CFAP54: variants seen among roughly 807,000 people sequenced by gnomAD.
CFAP54 encodes cilia and flagella associated protein 54, also known as cilia- and flagella-associated protein 54.
CFAP54 carries 290 observed loss-of-function variants against 370.4 expected under a neutral mutation model. The ratio of observed to expected loss-of-function variants is 0.78; its 90% CI spans 0.71 to 0.86. The LOEUF (loss-of-function observed/expected upper bound fraction) is 0.86, where lower values mean the gene tolerates loss of function less well. CFAP54 is among the 40% of genes least tolerant of loss of function. The pLI, the probability that CFAP54 is intolerant of heterozygous loss-of-function variation, is 0.00. For synonymous variants in CFAP54, 1,206 were observed against 1,236.5 expected, an observed-to-expected ratio of 0.98 and a Z score of 0.52; for missense variants, 3,399 against 3,528.7, an observed-to-expected ratio of 0.96 and a Z score of 0.93.
intron 38 of CFAP54, among the ~76,000 whole-genome samples, chr12:96,663,366 TA>T (rs549322876): frequency 2.2e-4 from 34 of 152,336 alleles, no homozygotes; most frequent in African/African-American, 8.2e-4. Context: ...TGTTTTCAGA[TA>T]TTTTATTATC....
At chr12:96,713,079 A>G (rs1957632898) in intron 48 of CFAP54, among the ~76,000 whole-genome samples, 1 of 152,220 alleles carries the variant, frequency 6.6e-6, no homozygotes, top group Non-Finnish European at 1.5e-5. Context: ...ATGCTCATAT[A>G]CTGTTGGTGG....
intron 25 of CFAP54, 124 bp from the exon 26 acceptor site, chr12:96,598,521 A>G (rs1221773954): frequency 4.6e-6 from 2 of 434,028 alleles, no homozygotes; most frequent in African/African-American, 4.0e-5. Flanking sequence ...TAAACAATTT[A>G]TCAATAATTA....
intron 47 of CFAP54, among the ~76,000 whole-genome samples, chr12:96,708,379 C>T (rs982182286): frequency 2.0e-5 from 3 of 152,088 alleles, no homozygotes; most frequent in Admixed American, 2.0e-4. Flanking sequence ...GAGCTGGCCT[C>T]ATGAGGCACA....
At chr12:96,565,929 G>A (rs965419913) in intron 19 of CFAP54, among the ~76,000 whole-genome samples, 1 of 152,134 alleles carries the variant, frequency 6.6e-6, no homozygotes, top group Admixed American at 6.6e-5. Context: ...AATCACGGGG[G>A]AGGTTTCCTC....
intron 66 of CFAP54, among the ~76,000 whole-genome samples, chr12:96,837,393 T>A (rs7136658): frequency 0.29 from 43,384 of 152,030 alleles, 6,634 homozygotes; most frequent in South Asian, 0.53. Flanking sequence ...TAATAACACA[T>A]CCAGTCTATT....
intron 14 of CFAP54, among the ~76,000 whole-genome samples, chr12:96,544,487 A>C (rs991148076): frequency 1.3e-5 from 2 of 151,110 alleles, no homozygotes; most frequent in Non-Finnish European, 2.9e-5. Flanking sequence ...TTTCTCTCCA[A>C]GGATGGCCAT....
intron 30 of CFAP54, 141 bp downstream of exon 30, chr12:96,627,080 C>A: frequency 2.1e-6 from 1 of 470,896 alleles, no homozygotes; most frequent in Non-Finnish European, 3.4e-6. Flanking sequence ...AGTGAAAATT[C>A]ATGTCTGTGT....
At chr12:96,738,104 C>T (rs751231380) in intron 50 of CFAP54, among the ~76,000 whole-genome samples, 5 of 152,100 alleles carry the variant, frequency 3.3e-5, no homozygotes, top group Non-Finnish European at 4.4e-5. Context: ...TGGAGATGAT[C>T]GTGGCTTGAA....
chr12:96,681,961 T>C (rs1957278852), intron 40 of CFAP54, among the ~76,000 whole-genome samples: 1 of 152,120 alleles, frequency 6.6e-6, no homozygotes, highest in African/African-American at 2.4e-5. Flanking sequence ...ACCTAGGGTC[T>C]TCAGTTATGA....
chr12:96,665,627 T>G (rs2136526968), intron 39 of CFAP54, among the ~76,000 whole-genome samples: 1 of 152,282 alleles, frequency 6.6e-6, no homozygotes, highest in South Asian at 2.1e-4. Flanking sequence ...TTAGATAGTT[T>G]TAGATGTGCA....
chr12:96,678,910 C>G (rs976511338), intron 39 of CFAP54, among the ~76,000 whole-genome samples: 4 of 152,138 alleles, frequency 2.6e-5, no homozygotes, highest in East Asian at 1.9e-4. Flanking sequence ...ACTTGTTCAA[C>G]TTGTTGAAGA....
At chr12:96,619,105 C>T (rs1053568060) in intron 26 of CFAP54, among the ~76,000 whole-genome samples, 1 of 152,192 alleles carries the variant, frequency 6.6e-6, no homozygotes, top group African/African-American at 2.4e-5. Flanking sequence ...CTCATGCAAT[C>T]CACCTGCCTG....
intron 50 of CFAP54, among the ~76,000 whole-genome samples, chr12:96,732,910 T>C (rs61939402): frequency 3.3e-3 from 509 of 152,170 alleles, no homozygotes; most frequent in Non-Finnish European, 5.0e-3. Context: ...CCCTAGAAAA[T>C]ATTTATCAAT....
chr12:96,756,795 T>G (rs1445259661), intron 57 of CFAP54, among the ~76,000 whole-genome samples: 1 of 152,204 alleles, frequency 6.6e-6, no homozygotes, highest in Non-Finnish European at 1.5e-5. Flanking sequence ...CCAGATCTCG[T>G]GTCAGTCCCA....
At position 96,839,437 on chromosome 12, in the gene CFAP54, G is replaced by A. The variant is rs186973262; in HGVS notation, c.9171+10349G>A. Among the ~76,000 whole-genome samples, 8 of 152,238 alleles carry A rather than the reference G, an allele frequency of 5.3e-5. No homozygotes were observed. The East Asian group carries it at 9.6e-4, about 18-fold the overall frequency. On this transcript the variant is annotated intron_variant, in intron 66 of 67. Coordinates refer to ENST00000524981, the MANE Select transcript of CFAP54 (RefSeq NM_001306084.2). ...AGGGGCTGTAGCAGAAGAACAACAC[G>A]AAGTGTAGAAGGAAGCCTCTGAGTA...
chr12:96,554,546 G>C lies in CFAP54; in HGVS notation c.2284-130G>C, dbSNP rs1955731717. ...TATTAGTGTTTAAGCAAACTGCAAA[G>C]GGCTGAGAAGTGAGCAGAATGTAAT... On this transcript the variant is annotated intron_variant, in intron 16 of 67. Coordinates refer to ENST00000524981, the MANE Select transcript of CFAP54 (RefSeq NM_001306084.2). 8 of 1,103,130 alleles carry C rather than the reference G, an allele frequency of 7.3e-6. No homozygotes were observed. The South Asian group carries it at 1.5e-4, about 20-fold the overall frequency. 68.3% of individuals were successfully genotyped at this position (1,103,130 alleles called of 1,614,324 possible).
chr12:96,764,392 G>T (rs995450975), intron 59 of CFAP54, 143 bp downstream of exon 59: 1 of 562,726 alleles, frequency 1.8e-6, no homozygotes, highest in Non-Finnish European at 3.0e-6. Context: ...GGAGGCTGAG[G>T]CAGGAGGATC....
intron 28 of CFAP54, among the ~76,000 whole-genome samples, chr12:96,624,654 G>T (rs1956532315): frequency 6.6e-6 from 1 of 152,166 alleles, no homozygotes; most frequent in African/African-American, 2.4e-5. Flanking sequence ...ATCCAAATTT[G>T]AGCCTTAAAC....
At chr12:96,546,257 G>A (rs907720034) in intron 14 of CFAP54, among the ~76,000 whole-genome samples, 3 of 152,100 alleles carry the variant, frequency 2.0e-5, no homozygotes, top group South Asian at 2.1e-4. Flanking sequence ...GGTGTCCACC[G>A]CAGAATTGAT....
Sources: allele counts gnomAD v4.1 joint callset (sites outside exome capture counted in the v4.1 genomes callset), GRCh38; gene constraint gnomAD v4.1.1; transcripts MANE v1.5; gene names NCBI Gene and HGNC (gene_info 2026-07-23, HGNC 2026-07-21).